Variants in APBB2 observed in about 807,000 individuals in gnomAD.
APBB2 encodes amyloid beta precursor protein binding family B member 2.
APBB2 carries 38 observed loss-of-function variants against 82.5 expected under a neutral mutation model. The observed-to-expected ratio is 0.46, with a 90% CI of 0.36 to 0.60. APBB2 has a LOEUF of 0.60. Ranked by LOEUF, APBB2 falls within the 20% of genes least tolerant of loss-of-function variation. The pLI, the probability that APBB2 is intolerant of heterozygous loss-of-function variation, is 0.00. For missense variants in APBB2, 772 were observed against 972.3 expected, an observed-to-expected ratio of 0.79 and a Z score of 2.74; for synonymous variants, 341 against 368.2, an observed-to-expected ratio of 0.93 and a Z score of 0.85.
chr4:41,018,981 G>A (rs116640789), intron 5 of APBB2, among the ~76,000 whole-genome samples: 5,167 of 152,264 alleles, frequency 0.034, 124 homozygotes, highest in Middle Eastern at 0.071. Context: ...ATCATCCCTT[G>A]AACAGGGCAG....
chr4:40,822,108 G>T, intron 16 of APBB2, 58 bp from the exon 17 acceptor site: 1 of 1,587,332 alleles, frequency 6.3e-7, no homozygotes, highest in Non-Finnish European at 8.6e-7. Flanking sequence ...GCTTAAGAGT[G>T]GCAGCACATA....
At chr4:40,822,118 A>C (rs946167054) in intron 16 of APBB2, 68 bp from the exon 17 acceptor site, 1 of 1,560,502 alleles carries the variant, frequency 6.4e-7, no homozygotes, top group Admixed American at 1.7e-5. Context: ...GGCAGCACAT[A>C]GGAACTGGCA....
At chr4:40,928,384 GAA>G (rs1783177899) in intron 10 of APBB2, among the ~76,000 whole-genome samples, 1 of 129,590 alleles carries the variant, frequency 7.7e-6, no homozygotes, top group African/African-American at 2.8e-5. Context: ...CTCTACTAAA[GAA>G]AACACACACA....
rs191085320 is a variant in APBB2, at chr4:41,172,074, T to C, written c.-416-28932A>G. ...AAGAGCGTACTACTGCACTCCAGCC[T>C]GGGTGACAAAGCGAGACTCCATCTC... On this transcript the variant is annotated intron_variant, in intron 1 of 17. Coordinates refer to ENST00000508593, the MANE Select transcript of APBB2 (RefSeq NM_004307.2). 3.7e-3 allele frequency among the ~76,000 whole-genome samples: 566 copies of C among 152,288 alleles called. 6 individuals carry two copies. The highest frequency in any genetic ancestry group is 6.4e-3 in the Non-Finnish European group (434 of 68,014).
chr4:40,873,820 G>A (rs1467670398), intron 12 of APBB2, among the ~76,000 whole-genome samples: 2 of 152,018 alleles, frequency 1.3e-5, no homozygotes, highest in Non-Finnish European at 1.5e-5. Context: ...TTTACAGGGG[G>A]AAAAAACCCG....
intron 12 of APBB2, among the ~76,000 whole-genome samples, chr4:40,853,065 A>G (rs1311700660): frequency 6.6e-6 from 1 of 152,152 alleles, no homozygotes; most frequent in Admixed American, 6.5e-5. Context: ...ACAACGCATC[A>G]AAGAAATCAG....
At chr4:41,063,383 G>T (rs1730531323) in intron 4 of APBB2, among the ~76,000 whole-genome samples, 1 of 152,220 alleles carries the variant, frequency 6.6e-6, no homozygotes, top group Non-Finnish European at 1.5e-5. Flanking sequence ...GCTACAGTAT[G>T]CAGATCCCTG....
chr4:40,925,803 G>C (rs1304126212), intron 10 of APBB2, among the ~76,000 whole-genome samples: 1 of 152,188 alleles, frequency 6.6e-6, no homozygotes. Context: ...GTCAGTAGCT[G>C]CTAATATAAT....
intron 6 of APBB2, among the ~76,000 whole-genome samples, chr4:40,967,713 G>A (rs754224128): frequency 1.3e-5 from 2 of 152,182 alleles, no homozygotes; most frequent in African/African-American, 2.4e-5. Context: ...GGCTAGAAGC[G>A]TGAGCCGAGT....
At chr4:41,027,038 C>T (rs917126363) in intron 5 of APBB2, among the ~76,000 whole-genome samples, 1 of 152,122 alleles carries the variant, frequency 6.6e-6, no homozygotes, top group African/African-American at 2.4e-5. Flanking sequence ...TTGCTCCTAC[C>T]TAGATCCTGT....
intron 3 of APBB2, among the ~76,000 whole-genome samples, chr4:41,080,697 C>CT (rs1560698629): frequency 7.3e-5 from 8 of 109,948 alleles, no homozygotes; most frequent in African/African-American, 1.9e-4. Flanking sequence ...TGTAAATGCT[C>CT]CTTTTTTTTT....
intron 3 of APBB2, among the ~76,000 whole-genome samples, chr4:41,072,949 G>C (rs534762267): frequency 1.3e-5 from 2 of 152,326 alleles, no homozygotes; most frequent in African/African-American, 4.8e-5. Flanking sequence ...CCTTGCAAAG[G>C]TATGATTGAG....
chr4:40,989,638 A>G (rs776026613), intron 6 of APBB2, among the ~76,000 whole-genome samples: 4 of 152,088 alleles, frequency 2.6e-5, no homozygotes, highest in Non-Finnish European at 4.4e-5. Context: ...CTGTACTCCA[A>G]TAAACAATTT....
intron 1 of APBB2, among the ~76,000 whole-genome samples, chr4:41,151,231 T>C (rs1203203478): frequency 6.6e-6 from 1 of 152,216 alleles, no homozygotes; most frequent in Non-Finnish European, 1.5e-5. Flanking sequence ...AGATGCCATC[T>C]TACAGTCAAC....
chr4:40,826,993 G>A lies in APBB2; in HGVS notation c.1732+139C>T, dbSNP rs984812959. 14 of 720,126 alleles carry A rather than the reference G, an allele frequency of 1.9e-5. No individual in the cohort carries two copies. The highest frequency in any genetic ancestry group is 1.2e-4 in the Admixed American group (5 of 40,412). 44.6% of individuals were successfully genotyped at this position (720,126 alleles called of 1,614,324 possible). A position where few individuals can be genotyped will look rare whatever the true frequency, so the allele number is the denominator to read the frequency against. ...ACTCTGTGCCTCTGTGAGACCCAGC[G>A]TGCAGGCTCAACTTGTGCTTACTGA... On this transcript the variant is annotated intron_variant, in intron 14 of 17. Coordinates refer to ENST00000508593, the MANE Select transcript of APBB2 (RefSeq NM_004307.2). The surrounding 1 kb of genome is among the most constrained non-coding windows in gnomAD (Gnocchi z 4.5).
At chr4:41,024,089 T>C (rs11931533) in intron 5 of APBB2, among the ~76,000 whole-genome samples, 6,969 of 152,274 alleles carry the variant, frequency 0.046, 338 homozygotes, top group African/African-American at 0.12. Flanking sequence ...GGGAAAAGAC[T>C]CTTTATTCAA....
chr4:41,122,732 T>C lies in APBB2; in HGVS notation c.-261+20255A>G, dbSNP rs184142991. 3.9e-5 allele frequency among the ~76,000 whole-genome samples: 6 copies of C among 152,376 alleles called. No homozygotes were observed. In the East Asian group the frequency reaches 1.2e-3, roughly 29 times the overall value. ...AAACCACAAGGCAGAGGATATATCT[T>C]GTAATTTCAGTGATTTTTTTAAAAA... On this transcript the variant is annotated intron_variant, in intron 2 of 17. Coordinates refer to ENST00000508593, the MANE Select transcript of APBB2 (RefSeq NM_004307.2).
chr4:40,863,743 A>G (rs1763351017), intron 12 of APBB2, among the ~76,000 whole-genome samples: 1 of 151,868 alleles, frequency 6.6e-6, no homozygotes, highest in African/African-American at 2.4e-5. Context: ...AAATGCAAAA[A>G]TTAGCCGGTT....
intron 4 of APBB2, among the ~76,000 whole-genome samples, chr4:41,035,979 C>T (rs987768916): frequency 6.6e-6 from 1 of 151,846 alleles, no homozygotes; most frequent in African/African-American, 2.4e-5. Flanking sequence ...GGCAACACAG[C>T]GAGACCCTAT....
Sources: gnomAD v4.1 joint callset for allele counts (sites outside exome capture counted in the v4.1 genomes callset) on GRCh38, gnomAD v4.1.1 for gene constraint, Gnocchi (gnomAD v3.1) non-coding constraint, MANE v1.5 for transcripts, NCBI Gene and HGNC (gene_info 2026-07-23, HGNC 2026-07-21) for gene names.